The following GXYLT2 variants were observed in gnomAD, a reference collection of about 807,000 sequenced individuals.
The protein encoded by GXYLT2 is glucoside xylosyltransferase 2, also known as glycosyltransferase 8 domain containing 4.
A neutral mutation model predicts 45.8 loss-of-function variants in GXYLT2; 53 were observed. The observed-to-expected ratio is 1.16, with a 90% CI of 0.93 to 1.46. GXYLT2 has a LOEUF of 1.46. Ranked by LOEUF, GXYLT2 falls within the 40% of genes most tolerant of loss-of-function variation. The pLI, the probability that GXYLT2 is intolerant of heterozygous loss-of-function variation, is 0.00. For missense variants in GXYLT2, 551 were observed against 544.4 expected (o/e 1.01, Z -0.12); for synonymous variants, 219 against 214.2 (o/e 1.02, Z -0.19).
intron 3 of GXYLT2, among the ~76,000 whole-genome samples, chr3:72,953,372 C>A (rs1300419673): frequency 1.3e-5 from 2 of 152,080 alleles, no homozygotes; most frequent in Non-Finnish European, 2.9e-5. Flanking sequence ...TCACTGCAAC[C>A]TCTGCCTCCC....
At chr3:72,964,007 G>A (rs996558990) in intron 5 of GXYLT2, among the ~76,000 whole-genome samples, 2 of 151,234 alleles carry the variant, frequency 1.3e-5, no homozygotes, top group African/African-American at 4.9e-5. Context: ...CGGGAGTCTC[G>A]CTGTGTTGCC....
chr3:72,912,011 A>ATTTTTTTT lies in GXYLT2; in HGVS notation c.468+3453_468+3454insTTTTTTTT, dbSNP rs1235800748. 2.1e-3 allele frequency among the ~76,000 whole-genome samples: 241 copies of ATTTTTTTT among 115,470 alleles called. 2 individuals are homozygous for ATTTTTTTT. The highest frequency in any genetic ancestry group is 0.01 in the African/African-American group (227 of 22,600). The allele number at this position is 115,470 out of a possible 152,430, so 75.8% of individuals were successfully genotyped here. On this transcript the variant is annotated intron_variant, in intron 2 of 6. Coordinates refer to ENST00000389617, the MANE Select transcript of GXYLT2 (RefSeq NM_001080393.2). ...TGTGTGTGTATATATATATATATATATATTTTTTTTTTTTTTTGAGACAGC... is the reference window on the plus strand; with the variant it reads ...TGTGTGTGTATATATATATATATATATTTTTTTTTATTTTTTTTTTTTTTTGAGACAGC...
intron 3 of GXYLT2, among the ~76,000 whole-genome samples, chr3:72,924,742 G>T (rs970776453): frequency 2.0e-5 from 3 of 152,050 alleles, no homozygotes; most frequent in Non-Finnish European, 4.4e-5. Context: ...TGAAGGGGGA[G>T]TGACATGAAA....
chr3:72,974,680 TCAA>T (rs1711057678), intron 6 of GXYLT2, among the ~76,000 whole-genome samples: 1 of 152,182 alleles, frequency 6.6e-6, no homozygotes, highest in Admixed American at 6.5e-5. Context: ...ACTCCTGGGC[TCAA>T]GTGGTCCTCC....
chr3:72,955,111 A>T lies in GXYLT2; in HGVS notation c.614A>T (p.Asp205Val). Residue 205 changes from aspartate (D) to valine (V), a missense_variant, in exon 4 of 7, where the codon GAT (aspartate) becomes GTT (valine). By Grantham distance (152) the Asp-to-Val change is radical (BLOSUM62 -3). Coordinates refer to ENST00000389617, the MANE Select transcript of GXYLT2 (RefSeq NM_001080393.2). ...QRLFLPVILKDVDSLLYVDTD... is the reference protein window; with the variant it reads ...QRLFLPVILKVVDSLLYVDTD... The stretch of plus-strand genomic sequence containing the variant: ...TTACACACAAAGGTGATTTTAAAGG[A>T]TGTGGACTCACTTCTCTACGTGGAC... 1.9e-6 allele frequency: 3 copies of T among 1,613,938 alleles called. No individual in the cohort carries two copies. The highest frequency in any genetic ancestry group is 2.5e-6 in the Non-Finnish European group (3 of 1,179,868).
chr3:72,928,902 A>G (rs4677209), intron 3 of GXYLT2: 1 of 688,072 alleles, frequency 1.5e-6, no homozygotes. Context: ...CTTGGACGGA[A>G]CCCGGCGTTC....
intron 3 of GXYLT2, among the ~76,000 whole-genome samples, chr3:72,923,962 G>GAGA (rs1278418343): frequency 6.6e-6 from 1 of 152,150 alleles, no homozygotes; most frequent in East Asian, 1.9e-4. Flanking sequence ...ATGAATGAAG[G>GAGA]AGAAGTAAGG....
Position 72,929,324 on chromosome 3 carries a change from G to C in GXYLT2, c.600+6989G>C. On this transcript the variant is annotated intron_variant, in intron 3 of 6. Transcript: ENST00000389617. ...CAAGAAACCAGACTGTGACGACTGG[G>C]AGAGCGGGCTGAATGCGATGGAGTG... 2.7e-6 allele frequency: 3 copies of C among 1,126,090 alleles called. No individual in the cohort carries two copies. The East Asian group carries it at 7.0e-5, about 26-fold the overall frequency. The allele number at this position is 1,126,090 out of a possible 1,614,324, so 69.8% of individuals were successfully genotyped here. A position where few individuals can be genotyped will look rare whatever the true frequency, so the allele number is the denominator to read the frequency against.
chr3:72,918,596 G>A (rs908323120), intron 2 of GXYLT2, among the ~76,000 whole-genome samples: 10 of 152,054 alleles, frequency 6.6e-5, no homozygotes, highest in African/African-American at 2.4e-4. Context: ...AGGATGAGGC[G>A]GGCGGATTGC....
intron 3 of GXYLT2, among the ~76,000 whole-genome samples, chr3:72,934,899 A>G (rs1479540759): frequency 6.6e-6 from 1 of 152,242 alleles, no homozygotes; most frequent in Admixed American, 6.5e-5. Flanking sequence ...TGGAGATTTA[A>G]GAACACTGAC....
rs1267344703 is a variant in GXYLT2 at position 72,888,468 on chromosome 3, G to A, written c.235G>A (p.Ala79Thr). The A allele has an allele frequency of 3.2e-6, 4 of 1,247,364 alleles. No individual in the cohort carries two copies. Among genetic ancestry groups the A allele is most frequent in the Non-Finnish European group, 3.0e-6 (3 of 991,730 alleles). The allele number at this position is 1,247,364 out of a possible 1,614,324, so 77.3% of individuals were successfully genotyped here. Residue 79 changes from alanine to threonine, a missense_variant, in exon 1 of 7, where the codon GCG becomes ACG. Transcript: ENST00000389617. ...CCGGCCCCCGCGTCCGCGCCCCCGA[G>A]CGGGCCGCCGGGGCGCTGCGAGACT... ...RRRPPRPRPR[A>T]GRRGAARLEK...
chr3:72,908,621 C>G lies in GXYLT2; in HGVS notation c.468+62C>G, dbSNP rs928617055. On this transcript the variant is annotated intron_variant, in intron 2 of 6. Transcript: ENST00000389617. ...GTACAAACAGACTACATTTTAGGAA[C>G]TGCATATTCTGTTAACTAATGTATT... is the stretch of plus-strand genomic sequence containing the variant. 9.4e-6 allele frequency: 12 copies of G among 1,271,226 alleles called. No individual in the cohort carries two copies. In the African/African-American group the frequency reaches 1.2e-4, roughly 13 times the overall value. The allele number at this position is 1,271,226 out of a possible 1,614,324, so 78.7% of individuals were successfully genotyped here.
intron 4 of GXYLT2, 142 bp from the exon 5 acceptor site, chr3:72,957,087 C>A: frequency 3.6e-6 from 3 of 837,030 alleles, no homozygotes; most frequent in Non-Finnish European, 5.4e-6. Context: ...TTGCTTTGTT[C>A]TGTGACCTGA....
chr3:72,945,269 C>A (rs1470335311), intron 3 of GXYLT2, among the ~76,000 whole-genome samples: 1 of 150,876 alleles, frequency 6.6e-6, no homozygotes, highest in African/African-American at 2.4e-5. Context: ...GCCTGGGCGA[C>A]TGAGCAAGAC....
intron 5 of GXYLT2, among the ~76,000 whole-genome samples, chr3:72,965,937 CT>C: frequency 6.6e-6 from 1 of 151,978 alleles, no homozygotes; most frequent in Non-Finnish European, 1.5e-5. Flanking sequence ...TTGCTTTTTG[CT>C]TTGGGGTTTT....
chr3:72,936,029 C>T (rs762644273), intron 3 of GXYLT2, among the ~76,000 whole-genome samples: 3 of 152,142 alleles, frequency 2.0e-5, no homozygotes, highest in East Asian at 1.9e-4. Context: ...CGGTGGCTCA[C>T]GTCTGTAATC....
At chr3:72,913,280 C>T (rs989929335) in intron 2 of GXYLT2, among the ~76,000 whole-genome samples, 3 of 150,952 alleles carry the variant, frequency 2.0e-5, no homozygotes, top group African/African-American at 4.9e-5. Context: ...CCTCGTGATC[C>T]GCCCGCCTCG....
chr3:72,917,356 T>C (rs557787055), intron 2 of GXYLT2, among the ~76,000 whole-genome samples: 1 of 152,290 alleles, frequency 6.6e-6, no homozygotes, highest in African/African-American at 2.4e-5. Flanking sequence ...TGGTCAGTAC[T>C]GTCATACTGA....
chr3:72,962,133 C>G (rs1207614575), intron 5 of GXYLT2, among the ~76,000 whole-genome samples: 2 of 152,264 alleles, frequency 1.3e-5, no homozygotes, highest in Non-Finnish European at 2.9e-5. Context: ...TGCAACCACA[C>G]TGTATATTCA....
Sources: allele counts gnomAD v4.1 joint callset (sites outside exome capture counted in the v4.1 genomes callset), GRCh38; gene constraint gnomAD v4.1.1; transcripts MANE v1.5; gene names NCBI Gene and HGNC (gene_info 2026-07-23, HGNC 2026-07-21).